Variants in FOXP2 observed in about 807,000 individuals in gnomAD.
FOXP2 encodes forkhead box P2.
In FOXP2, 12 loss-of-function variants were observed where a neutral mutation model predicts 115.8. The observed-to-expected ratio is 0.10, with a 90% CI of 0.07 to 0.17. FOXP2 has a LOEUF of 0.17. Among genes scored for constraint, FOXP2 ranks in the 10% least tolerant of loss-of-function variants. The probability of loss-of-function intolerance (pLI) is 1.00; values close to 1 mark genes in which losing one functional copy is unlikely to be tolerated. For synonymous variants in FOXP2, 328 were observed against 297.7 expected (o/e 1.10, Z -1.05); for missense variants, 629 against 843.5 (o/e 0.75, Z 3.15).
intron 1 of FOXP2, among the ~76,000 whole-genome samples, chr7:114,124,253 A>G (rs1562971614): frequency 6.6e-6 from 1 of 152,224 alleles, no homozygotes; most frequent in East Asian, 1.9e-4. Flanking sequence ...AAGCATAACT[A>G]GGATGTTCAA....
chr7:114,540,020 C>T (rs1220348355), intron 3 of FOXP2, among the ~76,000 whole-genome samples: 4 of 151,842 alleles, frequency 2.6e-5, no homozygotes, highest in Admixed American at 6.6e-5. Context: ...AAGTACTTAC[C>T]GTAAATCCTT....
intron 2 of FOXP2, among the ~76,000 whole-genome samples, chr7:114,384,977 C>CTT (rs36104170): frequency 4.7e-5 from 7 of 148,690 alleles, no homozygotes; most frequent in African/African-American, 7.4e-5. Context: ...ATAGGGCACA[C>CTT]TTTTTTTTTT....
intron 2 of FOXP2, among the ~76,000 whole-genome samples, chr7:114,353,792 C>G (rs1034337457): frequency 6.6e-6 from 1 of 152,048 alleles, no homozygotes. Flanking sequence ...TGGTGCATAG[C>G]TCATAGTCTT....
chr7:114,692,612 T>C lies in FOXP2; in HGVS notation c.*2686T>C, dbSNP rs754716022. 4.4e-6 allele frequency: 2 copies of C among 451,506 alleles called. No homozygotes were observed. The highest frequency in any genetic ancestry group is 4.4e-6 in the Non-Finnish European group (1 of 225,776). The allele number at this position is 451,506 out of a possible 1,614,324, so 28.0% of individuals were successfully genotyped here. On this transcript the variant is annotated 3_prime_UTR_variant, in exon 17 of 17. Transcript: ENST00000350908. The stretch of plus-strand genomic sequence containing the variant: ...CAAATCTGCTTTTCTGCATCTGCTT[T>C]GCGTAGCTATTGTAAGGCTTTGAAC...
At chr7:114,668,400 T>G (rs1353386638) in intron 16 of FOXP2, 1 of 152,158 alleles carries the variant, frequency 6.6e-6, no homozygotes, top group African/African-American at 2.4e-5. Context: ...TTCAGTGTCC[T>G]GAATAAAGGC....
chr7:114,245,296 T>A (rs560088327), intron 1 of FOXP2, among the ~76,000 whole-genome samples: 2 of 152,300 alleles, frequency 1.3e-5, no homozygotes, highest in African/African-American at 4.8e-5. Context: ...AGAGAGTGAA[T>A]AAGTGAATAC....
At chr7:114,329,018 C>A (rs916381952) in intron 2 of FOXP2, among the ~76,000 whole-genome samples, 1 of 152,074 alleles carries the variant, frequency 6.6e-6, no homozygotes, top group Non-Finnish European at 1.5e-5. Context: ...AACTATACAG[C>A]AATAAACTAT....
chr7:114,116,170 C>T (rs1274342625), intron 1 of FOXP2, among the ~76,000 whole-genome samples: 1 of 152,130 alleles, frequency 6.6e-6, no homozygotes, highest in East Asian at 1.9e-4. Flanking sequence ...CAGATGCCAA[C>T]TGCAGGATAA....
rs76884158 is a variant in FOXP2, at chr7:114,288,357, T to G, written c.-11+248T>G. Among the ~76,000 whole-genome samples the G allele has an allele frequency of 6.0e-3, 907 of 152,010 alleles. 9 individuals carry two copies. Among genetic ancestry groups the G allele is most frequent in the African/African-American group, 0.02 (843 of 41,546 alleles). On this transcript the variant is annotated intron_variant, in intron 2 of 17. Coordinates refer to the FOXP2 transcript ENST00000634411. ...TTGGTATCACTTTTTAAAACCAGTA[T>G]ACACTTATGGGGAATATGAATTTGG...
intron 1 of FOXP2, among the ~76,000 whole-genome samples, chr7:114,155,330 A>G (rs1562984365): frequency 6.6e-6 from 1 of 152,132 alleles, no homozygotes; most frequent in African/African-American, 2.4e-5. Flanking sequence ...CAGCATTAAC[A>G]TTAAAACAGA....
chr7:114,352,052 G>C (rs952001691), intron 2 of FOXP2, among the ~76,000 whole-genome samples: 2 of 151,928 alleles, frequency 1.3e-5, no homozygotes, highest in African/African-American at 4.8e-5. Context: ...TGGATTGCTT[G>C]AGTCCAGGAG....
In FOXP2 at chr7:114,260,052, C is replaced by T. The variant is rs773170131; in HGVS notation, c.-101-27967C>T. 7.9e-5 allele frequency among the ~76,000 whole-genome samples: 12 copies of T among 152,050 alleles called. No individual in the cohort carries two copies. In the South Asian group the frequency reaches 8.3e-4, roughly 11 times the overall value. ...TTAGCGGGGTGTGTGCCTCCATGCT[C>T]GGCTAATTTTTGTAGTTTTAGTAAA... On this transcript the variant is annotated intron_variant, in intron 1 of 17. Transcript: ENST00000634411.
chr7:114,498,304 C>G (rs1037364022), intron 2 of FOXP2, among the ~76,000 whole-genome samples: 1 of 152,226 alleles, frequency 6.6e-6, no homozygotes, highest in Admixed American at 6.5e-5. Context: ...TTTGGACTTA[C>G]TTAATATACT....
At chr7:114,412,497 G>A (rs112791970), upstream of FOXP2, among the ~76,000 whole-genome samples, 2,371 of 152,238 alleles carry the variant, frequency 0.016, 37 homozygotes, top group Non-Finnish European at 0.024. Context: ...GTGTGTGTGT[G>A]AGATTGTTTG....
chr7:114,170,586 C>T (rs1793111656), intron 1 of FOXP2, among the ~76,000 whole-genome samples: 1 of 152,124 alleles, frequency 6.6e-6, no homozygotes, highest in South Asian at 2.1e-4. Context: ...CTTTAGTGAA[C>T]ATATGAGTGA....
intron 16 of FOXP2, among the ~76,000 whole-genome samples, chr7:114,671,046 ATTT>A (rs1255109906): frequency 1.3e-5 from 2 of 151,628 alleles, no homozygotes; most frequent in Non-Finnish European, 1.5e-5. Flanking sequence ...TTTTTCTAAC[ATTT>A]CTGGTCCTCT....
At chr7:114,682,521 T>C (rs1808139896) in intron 16 of FOXP2, among the ~76,000 whole-genome samples, 1 of 152,152 alleles carries the variant, frequency 6.6e-6, no homozygotes, top group Non-Finnish European at 1.5e-5. Context: ...AAAGAAGCAT[T>C]TTTGTAGAAG....
intron 3 of FOXP2, among the ~76,000 whole-genome samples, chr7:114,580,539 C>T (rs1414981408): frequency 1.3e-5 from 2 of 152,126 alleles, no homozygotes; most frequent in Non-Finnish European, 2.9e-5. Context: ...GATCACACCA[C>T]CACTGTGCTC....
At chr7:114,290,796 AT>A (rs1275264914) in intron 2 of FOXP2, among the ~76,000 whole-genome samples, 1 of 152,120 alleles carries the variant, frequency 6.6e-6, no homozygotes, top group Non-Finnish European at 1.5e-5. Flanking sequence ...CCTTGAACAA[AT>A]CACCAAGGCT....
Sources: allele counts gnomAD v4.1 joint callset (sites outside exome capture counted in the v4.1 genomes callset), GRCh38; gene constraint gnomAD v4.1.1; transcripts MANE v1.5; gene names NCBI Gene and HGNC (gene_info 2026-07-23, HGNC 2026-07-21).